SUZ12: variants seen among roughly 807,000 people sequenced by gnomAD.
The protein encoded by SUZ12 is polycomb protein SUZ12.
A neutral mutation model predicts 87.3 loss-of-function variants in SUZ12; 17 were observed. The observed-to-expected ratio is 0.19, with a 90% CI of 0.13 to 0.29. SUZ12 has a LOEUF of 0.29. Ranked by LOEUF, SUZ12 falls within the 10% of genes least tolerant of loss-of-function variation. The pLI, the probability that SUZ12 is intolerant of heterozygous loss-of-function variation, is 1.00. For missense variants in SUZ12, 526 were observed against 912.2 expected, an observed-to-expected ratio of 0.58 and a Z score of 5.45; for synonymous variants, 253 against 312.4, an observed-to-expected ratio of 0.81 and a Z score of 2.01.
intron 1 of SUZ12, 120 bp downstream of exon 1, chr17:31,937,640 T>C (rs1321132506): frequency 2.2e-6 from 3 of 1,342,526 alleles, no homozygotes; most frequent in Non-Finnish European, 3.0e-6. Context: ...GAGGGAGGAA[T>C]TGAGGGGATG....
intron 5 of SUZ12, chr17:31,966,450 C>T (rs778919191): frequency 2.4e-4 from 84 of 355,234 alleles, no homozygotes; most frequent in Non-Finnish European, 3.7e-4. Context: ...CGGGTTCAAG[C>T]GATTCTCCTG....
At chr17:31,963,495 TTTTG>T (rs1358264843) in intron 4 of SUZ12, among the ~76,000 whole-genome samples, 5 of 146,950 alleles carry the variant, frequency 3.4e-5, no homozygotes, top group East Asian at 2.0e-4. Flanking sequence ...TAGGTATTTT[TTTTG>T]TTTTGTTTTG....
At chr17:31,979,323 A>G (rs1908958910) in intron 8 of SUZ12, among the ~76,000 whole-genome samples, 1 of 152,164 alleles carries the variant, frequency 6.6e-6, no homozygotes, top group African/African-American at 2.4e-5. Flanking sequence ...TCTCCTAAGA[A>G]CGAAGACATT....
chr17:31,955,313 A>G (rs1024267283), intron 4 of SUZ12, among the ~76,000 whole-genome samples: 1 of 152,098 alleles, frequency 6.6e-6, no homozygotes, highest in African/African-American at 2.4e-5. Flanking sequence ...ACAGGGTCTC[A>G]CTTCATCAGC....
In SUZ12 at chr17:31,977,273, CTT is replaced by C. The variant is rs762777458; in HGVS notation, c.917+680_917+681del. Among the ~76,000 whole-genome samples the C allele has an allele frequency of 9.8e-3, 1,152 of 117,300 alleles. 17 individuals are homozygous for C. Among genetic ancestry groups the C allele is most frequent in the African/African-American group, 0.035 (1,059 of 30,458 alleles). 77.0% of individuals were successfully genotyped at this position (117,300 alleles called of 152,430 possible). The stretch of plus-strand genomic sequence containing the variant: ...CCTGAGTGACAAAGTGAGATCCCAT[CTT>C]TTTTTTTTTTTTTTTTTTTTAGAAT... On this transcript the variant is annotated intron_variant, in intron 8 of 15. Coordinates refer to ENST00000322652, the MANE Select transcript of SUZ12 (RefSeq NM_015355.4).
chr17:31,951,482 C>CTTTT (rs1038403579), intron 4 of SUZ12, among the ~76,000 whole-genome samples: 2 of 133,296 alleles, frequency 1.5e-5, no homozygotes, highest in African/African-American at 2.8e-5. Flanking sequence ...GTGGTTAGTT[C>CTTTT]TTTTTTTTTT....
intron 5 of SUZ12, among the ~76,000 whole-genome samples, chr17:31,967,927 G>T (rs1908195531): frequency 6.6e-6 from 1 of 152,154 alleles, no homozygotes; most frequent in Non-Finnish European, 1.5e-5. Context: ...AACACCTTGG[G>T]AGGCTGAGAT....
chr17:31,979,856 A>T (rs1217911558), intron 8 of SUZ12, among the ~76,000 whole-genome samples: 1 of 152,116 alleles, frequency 6.6e-6, no homozygotes, highest in Non-Finnish European at 1.5e-5. Context: ...TTGATTGATT[A>T]TTTTTGCTTG....
At chr17:31,979,955 C>T (rs1908999076) in intron 8 of SUZ12, among the ~76,000 whole-genome samples, 2 of 151,778 alleles carry the variant, frequency 1.3e-5, no homozygotes, top group Non-Finnish European at 2.9e-5. Flanking sequence ...GAAGAGCATT[C>T]GTTCTCTGCT....
At chr17:31,946,269 C>T (rs1182831668) in intron 3 of SUZ12, among the ~76,000 whole-genome samples, 1 of 152,130 alleles carries the variant, frequency 6.6e-6, no homozygotes, top group Non-Finnish European at 1.5e-5. Flanking sequence ...CATGGTGGCT[C>T]ACACCTTTAA....
rs980340999 is a variant in SUZ12, at chr17:31,940,137, T to C, written c.275-149T>C. On this transcript the variant is annotated intron_variant, in intron 1 of 15. Transcript: ENST00000322652. ...TACCTTTTGATCTTACTGTGCATAC[T>C]TTCTTGATGTAAATATTTAGTGCGA... The C allele has an allele frequency of 1.3e-4, 163 of 1,260,836 alleles. 1 individual carries two copies. Among genetic ancestry groups the C allele is most frequent in the Non-Finnish European group, 1.6e-4 (152 of 933,196 alleles). The allele number at this position is 1,260,836 out of a possible 1,614,324, so 78.1% of individuals were successfully genotyped here. A position where few individuals can be genotyped will look rare whatever the true frequency, so the allele number is the denominator to read the frequency against.
intron 9 of SUZ12, among the ~76,000 whole-genome samples, chr17:31,985,512 A>T (rs926450153): frequency 2.0e-5 from 3 of 151,830 alleles, no homozygotes; most frequent in Admixed American, 1.3e-4. Context: ...AATAATTTTT[A>T]TCTATACTGT....
intron 4 of SUZ12, among the ~76,000 whole-genome samples, chr17:31,954,779 G>A (rs1437222558): frequency 6.6e-6 from 1 of 152,054 alleles, no homozygotes; most frequent in Admixed American, 6.6e-5. Flanking sequence ...AGTAAAATGG[G>A]GTGGGAGGAT....
intron 3 of SUZ12, among the ~76,000 whole-genome samples, chr17:31,942,088 A>C (rs764842078): frequency 2.0e-5 from 3 of 152,054 alleles, no homozygotes; most frequent in Non-Finnish European, 4.4e-5. Context: ...TCCTGACTTC[A>C]AGATCTTCCC....
intron 3 of SUZ12, 93 bp from the exon 4 acceptor site, chr17:31,947,524 G>A (rs2449779): frequency 1.8e-5 from 26 of 1,434,994 alleles, no homozygotes; most frequent in African/African-American, 1.2e-4. Flanking sequence ...TCAAAATCTG[G>A]TTTCCATCTT....
chr17:31,953,828 C>T (rs1403942852), intron 4 of SUZ12, among the ~76,000 whole-genome samples: 3 of 151,434 alleles, frequency 2.0e-5, no homozygotes, highest in Admixed American at 6.6e-5. Flanking sequence ...GTTCTCCTGC[C>T]TTGGCCTCCC....
At chr17:31,989,790 T>G in intron 10 of SUZ12, among the ~76,000 whole-genome samples, 1 of 149,264 alleles carries the variant, frequency 6.7e-6, no homozygotes. Flanking sequence ...TTTGTATTTT[T>G]AGTAGAGACG....
chr17:31,946,032 T>G (rs1906614855), intron 3 of SUZ12, among the ~76,000 whole-genome samples: 1 of 152,126 alleles, frequency 6.6e-6, no homozygotes, highest in African/African-American at 2.4e-5. Flanking sequence ...CTTACTATAC[T>G]CTATTGGATG....
chr17:31,987,065 G>T lies in SUZ12; in HGVS notation c.1024-1255G>T, dbSNP rs551322760. On this transcript the variant is annotated intron_variant, in intron 9 of 15. Transcript: ENST00000322652. ...ATAACAAAGGTTTTTTTGTTTTTTT[G>T]TTTTTTTGTGATCCTTGAAGGACAA... is the stretch of plus-strand genomic sequence containing the variant. Among the ~76,000 whole-genome samples the T allele has an allele frequency of 9.5e-3, 1,055 of 110,790 alleles. 10 individuals carry two copies. Among genetic ancestry groups the T allele is most frequent in the African/African-American group, 0.036 (977 of 27,228 alleles). The allele number at this position is 110,790 out of a possible 152,430, so 72.7% of individuals were successfully genotyped here.
Sources: allele counts gnomAD v4.1 joint callset (sites outside exome capture counted in the v4.1 genomes callset), GRCh38; gene constraint gnomAD v4.1.1; transcripts MANE v1.5; gene names NCBI Gene and HGNC (gene_info 2026-07-23, HGNC 2026-07-21).